EBF3: variants seen among roughly 807,000 people sequenced by gnomAD.
EBF3 encodes the protein transcription factor COE3.
In EBF3, 18 loss-of-function variants were observed where a neutral mutation model predicts 77.1. The ratio of observed to expected loss-of-function variants is 0.23; its 90% CI spans 0.16 to 0.35. EBF3 has a LOEUF of 0.35. EBF3 is among the 10% of genes least tolerant of loss of function. EBF3 has a pLI of 1.00. For synonymous variants in EBF3, 350 were observed against 343.5 expected (o/e 1.02, Z -0.21); for missense variants, 558 against 860.0 (o/e 0.65, Z 4.39).
At chr10:129,955,284 G>A (rs761807696) in intron 6 of EBF3, among the ~76,000 whole-genome samples, 23 of 152,130 alleles carry the variant, frequency 1.5e-4, no homozygotes, top group Non-Finnish European at 2.2e-4. Context: ...CTATAAAATT[G>A]TCATATCTTT....
In EBF3 at chr10:129,963,568, G is replaced by C; in HGVS notation, c.135-45C>G. On this transcript the variant is annotated intron_variant, in intron 1 of 16. Coordinates refer to ENST00000440978, the MANE Select transcript of EBF3 (RefSeq NM_001375380.1). The surrounding 1 kb of genome is among the most constrained non-coding windows in gnomAD (Gnocchi z 7.1). ...GCGGCCCGGTGAGGAGCGCGGCGCC[G>C]GCCGGCGGAGGGGGCCGGGCCGGGC... is the stretch of plus-strand genomic sequence containing the variant. The C allele has an allele frequency of 7.7e-7, 1 of 1,294,636 alleles. No individual in the cohort carries two copies. The highest frequency in any genetic ancestry group is 9.9e-7 in the Non-Finnish European group (1 of 1,013,870). The allele number at this position is 1,294,636 out of a possible 1,614,324, so 80.2% of individuals were successfully genotyped here.
intron 6 of EBF3, among the ~76,000 whole-genome samples, chr10:129,895,650 G>A (rs1187961795): frequency 6.6e-6 from 1 of 152,192 alleles, no homozygotes; most frequent in Non-Finnish European, 1.5e-5. Context: ...TAGGGGAGTG[G>A]CCTAAACACA....
At chr10:129,934,730 C>T (rs1857245955) in intron 6 of EBF3, among the ~76,000 whole-genome samples, 1 of 152,150 alleles carries the variant, frequency 6.6e-6, no homozygotes, top group African/African-American at 2.4e-5. Context: ...TCCATGGGCG[C>T]CAAATTAGCT....
At chr10:129,931,086 A>G (rs1400220659) in intron 6 of EBF3, among the ~76,000 whole-genome samples, 1 of 151,684 alleles carries the variant, frequency 6.6e-6, no homozygotes, top group African/African-American at 2.4e-5. Context: ...GTCTATATCT[A>G]TCTCTATATT....
At chr10:129,838,376 C>T (rs1003455956) in intron 16 of EBF3, among the ~76,000 whole-genome samples, 4 of 152,214 alleles carry the variant, frequency 2.6e-5, no homozygotes, top group Non-Finnish European at 5.9e-5. Context: ...CAGTCAAGGC[C>T]GGCTCACAGG....
At position 129,938,121 on chromosome 10, in the gene EBF3, G is replaced by A. The variant is rs1857483903; in HGVS notation, c.554+19137C>T. 1.3e-5 allele frequency among the ~76,000 whole-genome samples: 2 copies of A among 152,258 alleles called. No individual in the cohort carries two copies. Among genetic ancestry groups the A allele is most frequent in the African/African-American group, 4.8e-5 (2 of 41,548 alleles). ...CATGTCCTTCAGCAGCACCTGGCAG[G>A]AGACTCTCTTCTGCTCCTGCTGAGT... On this transcript the variant is annotated intron_variant, in intron 6 of 16. Coordinates refer to ENST00000440978, the MANE Select transcript of EBF3 (RefSeq NM_001375380.1). The surrounding 1 kb of genome is among the most constrained non-coding windows in gnomAD (Gnocchi z 5.1).
chr10:129,886,884 G>A (rs1477308084), intron 6 of EBF3, among the ~76,000 whole-genome samples: 2 of 152,012 alleles, frequency 1.3e-5, no homozygotes, highest in Non-Finnish European at 2.9e-5. Flanking sequence ...GGGTGCAGGA[G>A]ACTATGTATG....
rs1198877821 is a variant in EBF3, at chr10:129,842,741, G to A, written c.1194+396C>T. ...ACTGCCCTACTGCACTCCAGCCTGG[G>A]TGACAGAGCAAGACCCTGTCTAAAA... On this transcript the variant is annotated intron_variant, in intron 12 of 16. Coordinates refer to ENST00000440978, the MANE Select transcript of EBF3 (RefSeq NM_001375380.1). The surrounding 1 kb of genome is among the most constrained non-coding windows in gnomAD (Gnocchi z 4.4). 2.1e-5 allele frequency among the ~76,000 whole-genome samples: 3 copies of A among 146,080 alleles called. No individual in the cohort carries two copies. The highest frequency in any genetic ancestry group is 4.5e-5 in the Non-Finnish European group (3 of 67,372).
chr10:129,886,532 G>A (rs996466172), intron 6 of EBF3, among the ~76,000 whole-genome samples: 23 of 152,162 alleles, frequency 1.5e-4, no homozygotes, highest in African/African-American at 4.6e-4. Context: ...TCTGTGGCTC[G>A]GGGAAGGACC....
rs1028435032 is a variant in EBF3 at position 129,870,680 on chromosome 10, G to A, written c.782-2768C>T. On this transcript the variant is annotated intron_variant, in intron 8 of 16. Transcript: ENST00000440978. This position sits in a 1 kb window ranked among gnomAD's most constrained non-coding sequence, Gnocchi z 4.4. ...CCGCCGGCTCTCCCCAGGGCCTGCG[G>A]GGACTGGCTTATCCTGTGGCCAGGG... is the stretch of plus-strand genomic sequence containing the variant. Among the ~76,000 whole-genome samples the A allele has an allele frequency of 4.6e-5, 7 of 152,178 alleles. No homozygotes were observed. The highest frequency in any genetic ancestry group is 1.7e-4 in the African/African-American group (7 of 41,454).
chr10:129,859,333 C>T (rs147615228), intron 10 of EBF3, among the ~76,000 whole-genome samples: 5,062 of 152,204 alleles, frequency 0.033, 186 homozygotes, highest in Admixed American at 0.083. Context: ...GAGATTCTCC[C>T]GTCTCAGCCT....
At chr10:129,867,972 C>G (rs1303713678) in intron 8 of EBF3, 60 bp from the exon 9 acceptor site, 4 of 1,587,102 alleles carry the variant, frequency 2.5e-6, no homozygotes, top group Non-Finnish European at 3.4e-6. Context: ...GACGCTGGGC[C>G]GCTCGGCCAC....
At chr10:129,866,329 C>T (rs1852010923) in intron 10 of EBF3, among the ~76,000 whole-genome samples, 1 of 152,164 alleles carries the variant, frequency 6.6e-6, no homozygotes, top group African/African-American at 2.4e-5. Context: ...CCCTGTTGCC[C>T]AGGCTGGTCT....
intron 6 of EBF3, among the ~76,000 whole-genome samples, chr10:129,945,512 T>C (rs1486840574): frequency 1.3e-5 from 2 of 152,186 alleles, no homozygotes; most frequent in Non-Finnish European, 2.9e-5. Flanking sequence ...CCATCTATGA[T>C]GATAAATTAG....
intron 6 of EBF3, among the ~76,000 whole-genome samples, chr10:129,925,066 TGTG>T (rs1237977521): frequency 4.4e-5 from 6 of 136,932 alleles, no homozygotes; most frequent in East Asian, 4.5e-4. Context: ...ATAAGCAAAA[TGTG>T]GTGTGTGTGT....
At chr10:129,925,752 TAAAAAC>T (rs1856626591) in intron 6 of EBF3, among the ~76,000 whole-genome samples, 1 of 151,022 alleles carries the variant, frequency 6.6e-6, no homozygotes, top group South Asian at 2.1e-4. Flanking sequence ...GAAAAAAAAA[TAAAAAC>T]AAAAAACATG....
rs896934487 is a variant in EBF3 at position 129,935,824 on chromosome 10, G to A, written c.554+21434C>T. Among the ~76,000 whole-genome samples the A allele has an allele frequency of 6.6e-6, 1 of 152,218 alleles. No homozygotes were observed. The highest frequency in any genetic ancestry group is 1.5e-5 in the Non-Finnish European group (1 of 68,054). ...GCAAAGCCAAGGGCATAGAATGTGG[G>A]CTGGGGACAGGAGAGGCCAAGACAC... On this transcript the variant is annotated intron_variant, in intron 6 of 16. Coordinates refer to ENST00000440978, the MANE Select transcript of EBF3 (RefSeq NM_001375380.1). This position sits in a 1 kb window ranked among gnomAD's most constrained non-coding sequence, Gnocchi z 4.2.
At chr10:129,856,874 C>T (rs1038665106) in intron 10 of EBF3, among the ~76,000 whole-genome samples, 4 of 152,208 alleles carry the variant, frequency 2.6e-5, no homozygotes, top group East Asian at 3.8e-4. Context: ...GTGAAACTAA[C>T]GTTTCTCATC....
chr10:129,894,249 A>G (rs775098262), intron 6 of EBF3, among the ~76,000 whole-genome samples: 1 of 152,184 alleles, frequency 6.6e-6, no homozygotes, highest in Non-Finnish European at 1.5e-5. Flanking sequence ...AAACCTCCTG[A>G]TTTCATAATG....
Sources: gnomAD v4.1 joint callset for allele counts (sites outside exome capture counted in the v4.1 genomes callset) on GRCh38, gnomAD v4.1.1 for gene constraint, Gnocchi (gnomAD v3.1) non-coding constraint, MANE v1.5 for transcripts, NCBI Gene and HGNC (gene_info 2026-07-23, HGNC 2026-07-21) for gene names.